KCTD2: variants seen among roughly 807,000 people sequenced by gnomAD.
KCTD2 encodes potassium channel tetramerization domain containing 2.
KCTD2 carries 18 observed loss-of-function variants against 27.9 expected under a neutral mutation model. The observed-to-expected ratio is 0.64, with a 90% CI of 0.45 to 0.96. The LOEUF is 0.96. Among genes scored for constraint, KCTD2 ranks in the 40% least tolerant of loss-of-function variants. KCTD2 has a pLI of 0.00. For missense variants in KCTD2, 280 were observed against 348.0 expected (o/e 0.80, Z 1.56); for synonymous variants, 175 against 148.4 (o/e 1.18, Z -1.30).
intron 3 of KCTD2, among the ~76,000 whole-genome samples, chr17:75,057,311 A>G (rs1172465583): frequency 1.3e-5 from 2 of 152,070 alleles, no homozygotes; most frequent in Non-Finnish European, 2.9e-5. Context: ...ATTTGAGAGC[A>G]CAAGTGGTTT....
chr17:75,036,309 G>T (rs2040113862), intron 3 of KCTD2, among the ~76,000 whole-genome samples: 1 of 151,480 alleles, frequency 6.6e-6, no homozygotes, highest in Non-Finnish European at 1.5e-5. Flanking sequence ...TTTTAGTATA[G>T]ACGGGGTTTC....
intron 3 of KCTD2, among the ~76,000 whole-genome samples, chr17:75,056,030 CAAAAA>C (rs912948642): frequency 1.4e-5 from 2 of 141,774 alleles, no homozygotes; most frequent in Non-Finnish European, 3.1e-5. Flanking sequence ...GACTCCATCT[CAAAAA>C]AAAAAAGTTT....
chr17:75,033,373 CCTTT>C (rs911398175), intron 1 of KCTD2, among the ~76,000 whole-genome samples: 8 of 151,526 alleles, frequency 5.3e-5, no homozygotes, highest in South Asian at 2.1e-4. Context: ...GGCTGATTTT[CCTTT>C]CTATCTATAC....
intron 2 of KCTD2, among the ~76,000 whole-genome samples, chr17:75,034,649 C>A (rs1218354034): frequency 6.7e-6 from 1 of 150,310 alleles, no homozygotes; most frequent in Non-Finnish European, 1.5e-5. Flanking sequence ...GCGTCCCCAC[C>A]GGGCTACACA....
At chr17:75,045,019 G>A (rs965240545), upstream of KCTD2, among the ~76,000 whole-genome samples, 1 of 152,164 alleles carries the variant, frequency 6.6e-6, no homozygotes, top group Admixed American at 6.5e-5. Flanking sequence ...AACTTGCCCC[G>A]ATAGTCACAT....
upstream of KCTD2, among the ~76,000 whole-genome samples, chr17:75,045,483 A>G (rs1252905726): frequency 6.6e-6 from 1 of 152,250 alleles, no homozygotes; most frequent in Non-Finnish European, 1.5e-5. Context: ...AGTCTCAACC[A>G]TAAGAGACAG....
At chr17:75,038,028 G>A (rs577815218) in intron 3 of KCTD2, among the ~76,000 whole-genome samples, 1 of 151,994 alleles carries the variant, frequency 6.6e-6, no homozygotes, top group Non-Finnish European at 1.5e-5. Flanking sequence ...CAGCCTGGGC[G>A]ACAGAGTGAG....
At position 75,039,020 on chromosome 17, in the gene KCTD2, A is replaced by G. The variant is rs1349511290; in HGVS notation, c.-259+3663A>G. The G allele has an allele frequency of 2.5e-6, 4 of 1,614,062 alleles. No homozygotes were observed. The highest frequency in any genetic ancestry group is 1.7e-5 in the Admixed American group (1 of 60,000). On this transcript the variant is annotated intron_variant, in intron 3 of 7. Coordinates refer to the KCTD2 transcript ENST00000581589. The stretch of plus-strand genomic sequence containing the variant: ...TGGGAAAGCTTCATTCAAGTCCTCA[A>G]TGGTCATCTGATCAAATGGAATTAA...
At chr17:75,061,080 A>G (rs2073399881) in intron 4 of KCTD2, among the ~76,000 whole-genome samples, 1 of 152,218 alleles carries the variant, frequency 6.6e-6, no homozygotes, top group African/African-American at 2.4e-5. Context: ...TTCTTTGTGA[A>G]ACTAAAATGA....
At chr17:75,040,367 G>A (rs1382804804) in intron 3 of KCTD2, 1 of 602,648 alleles carries the variant, frequency 1.7e-6, no homozygotes, top group Non-Finnish European at 3.0e-6. Flanking sequence ...GGGAACAGGA[G>A]CTCAAGGGTC....
intron 1 of KCTD2, 22 bp downstream of exon 1, chr17:75,047,611 G>T: frequency 6.3e-7 from 1 of 1,595,636 alleles, no homozygotes. Flanking sequence ...CCTCGGGCGC[G>T]CCCCCGGGCC....
chr17:75,042,264 G>A (rs1411011301), upstream of KCTD2: 1 of 1,613,984 alleles, frequency 6.2e-7, no homozygotes. Flanking sequence ...GGATTCTCAG[G>A]TAAAGCAGCC....
intron 5 of KCTD2, among the ~76,000 whole-genome samples, 165 bp downstream of exon 5, chr17:75,062,410 T>G (rs906172991): frequency 1.2e-4 from 19 of 152,080 alleles, no homozygotes; most frequent in African/African-American, 4.6e-4. Flanking sequence ...TTAATTGGGA[T>G]TTACGGAGCA....
chr17:75,034,000 G>C (rs989822911), intron 1 of KCTD2: 1 of 152,248 alleles, frequency 6.6e-6, no homozygotes, highest in African/African-American at 2.4e-5. Flanking sequence ...TCCTTTTACG[G>C]AATTTTTTAT....
chr17:75,042,494 G>A (rs373552679), upstream of KCTD2: 33 of 1,595,984 alleles, frequency 2.1e-5, no homozygotes, highest in Non-Finnish European at 2.7e-5. Flanking sequence ...AGATTCAGTG[G>A]CAAGTATGGG....
At chr17:75,037,115 C>T (rs1331306124) in intron 3 of KCTD2, among the ~76,000 whole-genome samples, 3 of 152,090 alleles carry the variant, frequency 2.0e-5, no homozygotes, top group Admixed American at 6.6e-5. Flanking sequence ...GAGGCCAAGG[C>T]GGGCAGATCA....
At chr17:75,052,233 C>T (rs1598123141) in intron 2 of KCTD2, among the ~76,000 whole-genome samples, 1 of 152,132 alleles carries the variant, frequency 6.6e-6, no homozygotes, top group South Asian at 2.1e-4. Flanking sequence ...ATGGGTTTAC[C>T]GAAAATAGCA....
At chr17:75,060,727 A>G (rs2144941716) in intron 4 of KCTD2, 2 of 802,500 alleles carry the variant, frequency 2.5e-6, no homozygotes, top group East Asian at 5.6e-5. Context: ...CCCTGGGATC[A>G]ACCGCCTGAG....
rs953999637 is a variant in KCTD2 at position 75,064,880 on chromosome 17, A to G, written c.*1833A>G. On this transcript the variant is annotated 3_prime_UTR_variant, in exon 6 of 6. Coordinates refer to ENST00000322444, the MANE Select transcript of KCTD2 (RefSeq NM_015353.3). ...ACTTTGGAAGAGGCGCTCCTTGGCCAGGTCCAATGAGTAACATCAGACTGA... is the reference window on the plus strand; with the variant it reads ...ACTTTGGAAGAGGCGCTCCTTGGCCGGGTCCAATGAGTAACATCAGACTGA... 16 of 152,242 alleles carry G rather than the reference A, an allele frequency of 1.1e-4. No homozygotes were observed. Among genetic ancestry groups the G allele is most frequent in the African/African-American group, 3.1e-4 (13 of 41,458 alleles). The allele number at this position is 152,242 out of a possible 1,614,324, so 9.4% of individuals were successfully genotyped here.
Sources: gnomAD v4.1 joint callset for allele counts (sites outside exome capture counted in the v4.1 genomes callset) on GRCh38, gnomAD v4.1.1 for gene constraint, MANE v1.5 for transcripts, NCBI Gene and HGNC (gene_info 2026-07-23, HGNC 2026-07-21) for gene names.